The following IFNAR2 variants were observed in gnomAD, a reference collection of about 807,000 sequenced individuals.
IFNAR2 encodes interferon alpha and beta receptor subunit 2, also known as interferon alpha/beta receptor 2.
IFNAR2 carries 30 observed loss-of-function variants against 49.4 expected under a neutral mutation model. The ratio of observed to expected loss-of-function variants is 0.61; its 90% CI spans 0.45 to 0.82. The LOEUF is 0.82. Ranked by LOEUF, IFNAR2 falls within the 40% of genes least tolerant of loss-of-function variation. IFNAR2 has a pLI of 0.00. For missense variants in IFNAR2, 600 were observed against 622.7 expected, an observed-to-expected ratio of 0.96 and a Z score of 0.39; for synonymous variants, 224 against 234.5, an observed-to-expected ratio of 0.96 and a Z score of 0.41.
chr21:33,240,538 G>A (rs964331544), intron 1 of IFNAR2, among the ~76,000 whole-genome samples: 4 of 152,200 alleles, frequency 2.6e-5, no homozygotes, highest in African/African-American at 7.2e-5. Context: ...TAAAGAAAAT[G>A]TGGCTAGGTG....
At chr21:33,257,195 C>A (rs1988262740) in intron 7 of IFNAR2, among the ~76,000 whole-genome samples, 2 of 152,172 alleles carry the variant, frequency 1.3e-5, no homozygotes, top group African/African-American at 4.8e-5. Flanking sequence ...GATGAGGCAG[C>A]CCCCTTTTGG....
chr21:33,245,156 GTC>G, intron 4 of IFNAR2, 82 bp downstream of exon 4: 1 of 1,038,310 alleles, frequency 9.6e-7, no homozygotes. Flanking sequence ...CTCTCTCTCT[GTC>G]TCTCCCTCTC....
intron 5 of IFNAR2, among the ~76,000 whole-genome samples, chr21:33,248,381 G>A (rs1348792606): frequency 9.0e-6 from 1 of 110,766 alleles, no homozygotes; most frequent in Non-Finnish European, 1.7e-5. Context: ...AAGTTAGGGG[G>A]GAGGGAGGGA....
chr21:33,231,158 C>T (rs961269523), intron 1 of IFNAR2, among the ~76,000 whole-genome samples: 4 of 152,136 alleles, frequency 2.6e-5, no homozygotes, highest in African/African-American at 9.7e-5. Context: ...GGCTAAGTCC[C>T]ACTGCTTGCC....
In IFNAR2 at chr21:33,262,502, TCA is replaced by T. The variant is rs572624984; in HGVS notation, c.841-290_841-289del. The T allele has an allele frequency of 2.9e-3, 1,982 of 676,812 alleles. 12 individuals carry two copies. Among genetic ancestry groups the T allele is most frequent in the Middle Eastern group, 0.017 (46 of 2,638 alleles). The allele number at this position is 676,812 out of a possible 1,614,324, so 41.9% of individuals were successfully genotyped here. A position where few individuals can be genotyped will look rare whatever the true frequency, so the allele number is the denominator to read the frequency against. On this transcript the variant is annotated intron_variant, in intron 8 of 8. Transcript: ENST00000342136. ...TAACTGTTAGCTGTTATTATTGCTG[TCA>T]TCATCATCAACTGCATCATCATTCA...
intron 5 of IFNAR2, among the ~76,000 whole-genome samples, chr21:33,248,393 G>C (rs949917805): frequency 1.8e-5 from 2 of 109,294 alleles, no homozygotes; most frequent in Non-Finnish European, 3.5e-5. Flanking sequence ...AGGGAGGGAG[G>C]GGGGGAGAGA....
rs1399907886 is a variant in IFNAR2, at chr21:33,244,958, A to G, written c.105A>G (p.Thr35=). Reference sequence around the variant, plus strand: ...TTTTCTTCTTCTCTTTAGATTACACAGATGAATCTTGCACTTTCAAGATAT... The same window carrying G: ...TTTTCTTCTTCTCTTTAGATTACACGGATGAATCTTGCACTTTCAAGATAT... ...FGISYDSPDY[T]DESCTFKISL... The change falls in exon 4 of 9, where the codon ACA becomes ACG. Residue 35 remains threonine, a synonymous_variant. Transcript: ENST00000342136. The G allele has an allele frequency of 1.9e-6, 3 of 1,613,602 alleles. No homozygotes were observed. Among genetic ancestry groups the G allele is most frequent in the African/African-American group, 1.3e-5 (1 of 74,918 alleles).
chr21:33,233,947 A>G lies in IFNAR2; in HGVS notation c.-84+3731A>G, dbSNP rs1262887977. On this transcript the variant is annotated intron_variant, in intron 1 of 8. Coordinates refer to ENST00000342136, the MANE Select transcript of IFNAR2 (RefSeq NM_001289125.3). ...GTCAGAGAGGAAGATGGAAGGAAAC[A>G]TGAGAATACCAATATTCTCTTCTTT... is the stretch of plus-strand genomic sequence containing the variant. Among the ~76,000 whole-genome samples the G allele has an allele frequency of 5.3e-5, 8 of 152,224 alleles. No individual in the cohort carries two copies. In the South Asian group the frequency reaches 6.2e-4, roughly 12 times the overall value.
chr21:33,258,038 C>T (rs530960411), intron 7 of IFNAR2, among the ~76,000 whole-genome samples: 2 of 152,326 alleles, frequency 1.3e-5, no homozygotes, highest in Admixed American at 6.5e-5. Context: ...GGCGCAGTGG[C>T]TCATGCCTGT....
chr21:33,249,786 C>G (rs1274860741), intron 6 of IFNAR2, among the ~76,000 whole-genome samples: 1 of 152,156 alleles, frequency 6.6e-6, no homozygotes, highest in Non-Finnish European at 1.5e-5. Context: ...GAGAGATAAT[C>G]AGGGTAGATG....
chr21:33,250,583 G>C (rs1159624229), intron 6 of IFNAR2, among the ~76,000 whole-genome samples: 1 of 152,144 alleles, frequency 6.6e-6, no homozygotes, highest in African/African-American at 2.4e-5. Flanking sequence ...TGTTGCCCAG[G>C]CTGGACTGAA....
At chr21:33,244,588 A>G (rs1405050506) in intron 3 of IFNAR2, among the ~76,000 whole-genome samples, 2 of 152,082 alleles carry the variant, frequency 1.3e-5, no homozygotes, top group Non-Finnish European at 2.9e-5. Flanking sequence ...GGGAGGGAGA[A>G]TGGGTAGGGG....
rs751353625 is a variant in IFNAR2, at chr21:33,243,639, C to T, written c.56-34C>T. 5 of 1,587,868 alleles carry T rather than the reference C, an allele frequency of 3.1e-6. No homozygotes were observed. In the South Asian group the frequency reaches 4.4e-5, roughly 14 times the overall value. On this transcript the variant is annotated intron_variant, in intron 2 of 8. Transcript: ENST00000342136. Reference sequence around the variant, plus strand: ...CATTGCAAGTTGAGCCCAGATAAAACTATTGCCTCTCTAATGTGTTTTCTT... The same window carrying T: ...CATTGCAAGTTGAGCCCAGATAAAATTATTGCCTCTCTAATGTGTTTTCTT...
At chr21:33,255,621 T>G (rs1988158916) in intron 7 of IFNAR2, among the ~76,000 whole-genome samples, 1 of 152,192 alleles carries the variant, frequency 6.6e-6, no homozygotes, top group Non-Finnish European at 1.5e-5. Flanking sequence ...CTCTGTACAT[T>G]CATCTGTTCA....
intron 1 of IFNAR2, among the ~76,000 whole-genome samples, chr21:33,235,455 G>A (rs1208446195): frequency 1.3e-5 from 2 of 152,116 alleles, no homozygotes; most frequent in African/African-American, 2.4e-5. Context: ...TTGGTGCATT[G>A]TCAGGCAACA....
intron 1 of IFNAR2, 103 bp from the exon 2 acceptor site, chr21:33,241,737 G>T (rs1034226394): frequency 4.0e-6 from 3 of 759,430 alleles, no homozygotes; most frequent in Non-Finnish European, 5.8e-6. Flanking sequence ...CCCAGAAGCT[G>T]AGACCAGGCT....
intron 1 of IFNAR2, chr21:33,236,776 T>C (rs1447067880): frequency 1.0e-6 from 1 of 984,280 alleles, no homozygotes; most frequent in Non-Finnish European, 1.2e-6. Context: ...GATAAAATGG[T>C]TAAGAATTTC....
Position 33,250,372 on chromosome 21 carries a change from A to G in IFNAR2, c.540+1518A>G, listed in dbSNP as rs192634442. Among the ~76,000 whole-genome samples the G allele has an allele frequency of 2.1e-3, 321 of 152,240 alleles. 2 individuals are homozygous for G. The highest frequency in any genetic ancestry group is 3.5e-3 in the Non-Finnish European group (241 of 68,014). On this transcript the variant is annotated intron_variant, in intron 6 of 8. Coordinates refer to ENST00000342136, the MANE Select transcript of IFNAR2 (RefSeq NM_001289125.3). Reference sequence around the variant, plus strand: ...TATTGACTACTCTATAAGAGGAAAAACTGTAGTTAATAGGCATCTTCTTCA... The same window carrying G: ...TATTGACTACTCTATAAGAGGAAAAGCTGTAGTTAATAGGCATCTTCTTCA...
Position 33,251,146 on chromosome 21 carries a change from A to T in IFNAR2, c.541-1516A>T, listed in dbSNP as rs1446029972. ...CACTCAGAGAGAAAACAAGACATCC[A>T]GTGACAGAGCCCAGGAACATTCCAA... is the stretch of plus-strand genomic sequence containing the variant. On this transcript the variant is annotated intron_variant, in intron 6 of 8. Transcript: ENST00000342136. Among the ~76,000 whole-genome samples, 3 of 152,332 alleles carry T rather than the reference A, an allele frequency of 2.0e-5. No individual in the cohort carries two copies. In the East Asian group the frequency reaches 5.8e-4, roughly 29 times the overall value.
Sources: allele counts gnomAD v4.1 joint callset (sites outside exome capture counted in the v4.1 genomes callset), GRCh38; gene constraint gnomAD v4.1.1; transcripts MANE v1.5; gene names NCBI Gene and HGNC (gene_info 2026-07-23, HGNC 2026-07-21).